DOCK2: variants seen among roughly 807,000 people sequenced by gnomAD.
The protein encoded by DOCK2 is dedicator of cytokinesis protein 2.
In DOCK2, 87 loss-of-function variants were observed where a neutral mutation model predicts 248.9. The ratio of observed to expected loss-of-function variants is 0.35; its 90% CI spans 0.29 to 0.42. The LOEUF is 0.42. DOCK2 is among the 10% of genes least tolerant of loss of function. DOCK2 has a pLI of 1.00. For missense variants in DOCK2, 1,747 were observed against 2,300.2 expected (o/e 0.76, Z 4.92); for synonymous variants, 805 against 821.6 (o/e 0.98, Z 0.35).
intron 27 of DOCK2, among the ~76,000 whole-genome samples, chr5:169,893,304 C>T (rs1312083444): frequency 1.3e-5 from 2 of 152,142 alleles, no homozygotes; most frequent in African/African-American, 4.8e-5. Context: ...AGGGGAAAGC[C>T]TTTACTACCA....
At chr5:170,036,134 C>A (rs976407961) in intron 35 of DOCK2, among the ~76,000 whole-genome samples, 2 of 152,140 alleles carry the variant, frequency 1.3e-5, no homozygotes, top group Admixed American at 1.3e-4. Flanking sequence ...CTTTCCAGTG[C>A]AAGGCCTGAG....
chr5:169,805,244 G>GA (rs1447423636), intron 26 of DOCK2, among the ~76,000 whole-genome samples: 1 of 148,932 alleles, frequency 6.7e-6, no homozygotes, highest in African/African-American at 2.5e-5. Context: ...GGAAAGAAAA[G>GA]AAAAGAAATT....
At chr5:169,716,157 T>C (rs1761903557) in intron 19 of DOCK2, 56 bp from the exon 20 acceptor site, 1 of 1,493,514 alleles carries the variant, frequency 6.7e-7, no homozygotes, top group African/African-American at 1.4e-5. Flanking sequence ...GGATTGCTGG[T>C]TCACCTGTAC....
At chr5:169,723,778 T>G (rs1174817040) in intron 22 of DOCK2, among the ~76,000 whole-genome samples, 1 of 152,222 alleles carries the variant, frequency 6.6e-6, no homozygotes, top group Non-Finnish European at 1.5e-5. Flanking sequence ...TTCCTTTTGA[T>G]GTCTTTTTCT....
intron 15 of DOCK2, 95 bp downstream of exon 15, chr5:169,708,362 TA>T: frequency 8.3e-7 from 1 of 1,202,846 alleles, no homozygotes; most frequent in Non-Finnish European, 1.2e-6. Flanking sequence ...ATGTATTGCT[TA>T]CAACAGCCGT....
chr5:169,922,543 A>G (rs900272061), intron 27 of DOCK2, among the ~76,000 whole-genome samples: 8 of 152,242 alleles, frequency 5.3e-5, no homozygotes, highest in African/African-American at 1.9e-4. Flanking sequence ...AATAATACCA[A>G]CAATGAGAAA....
At chr5:169,766,432 A>G (rs1323908966) in intron 25 of DOCK2, among the ~76,000 whole-genome samples, 1 of 152,196 alleles carries the variant, frequency 6.6e-6, no homozygotes. Context: ...GTAGTATTTC[A>G]TCATGTATAT....
intron 27 of DOCK2, among the ~76,000 whole-genome samples, chr5:169,849,874 C>A (rs929704093): frequency 2.0e-5 from 3 of 152,206 alleles, no homozygotes; most frequent in Non-Finnish European, 4.4e-5. Context: ...CTGAGTCTAG[C>A]CACAACCACC....
In DOCK2 at chr5:169,708,285, C is replaced by A. The variant is rs747389103; in HGVS notation, c.1482+18C>A. On this transcript the variant is annotated intron_variant, in intron 15 of 51. Transcript: ENST00000520908. ...CAGTCAAGGTAATAATTAATAATAGCAGCAAACACATGTCTAGTTCTTACC... is the reference window on the plus strand; with the variant it reads ...CAGTCAAGGTAATAATTAATAATAGAAGCAAACACATGTCTAGTTCTTACC... 3 of 1,605,638 alleles carry A rather than the reference C, an allele frequency of 1.9e-6. No homozygotes were observed. Among genetic ancestry groups the A allele is most frequent in the African/African-American group, 1.3e-5 (1 of 74,822 alleles).
chr5:169,942,076 C>G (rs1449794445), intron 27 of DOCK2, among the ~76,000 whole-genome samples: 1 of 152,144 alleles, frequency 6.6e-6, no homozygotes, highest in African/African-American at 2.4e-5. Flanking sequence ...AGGATGTGGG[C>G]CTGTCTCTAA....
chr5:170,063,837 C>A (rs192338395), intron 44 of DOCK2, among the ~76,000 whole-genome samples: 5 of 152,194 alleles, frequency 3.3e-5, no homozygotes, highest in Admixed American at 6.5e-5. Context: ...GCAGAGGGTG[C>A]GGCCTGAACC....
chr5:169,785,819 G>A (rs1765952099), intron 25 of DOCK2, among the ~76,000 whole-genome samples: 1 of 152,002 alleles, frequency 6.6e-6, no homozygotes, highest in African/African-American at 2.4e-5. Flanking sequence ...GGCCATTAGT[G>A]TTTTTTTGTG....
At chr5:169,820,564 T>C (rs1483145762) in intron 26 of DOCK2, among the ~76,000 whole-genome samples, 1 of 136,170 alleles carries the variant, frequency 7.3e-6, no homozygotes, top group Non-Finnish European at 1.5e-5. Context: ...GGGTCCTGAC[T>C]GTTAAAAGGA....
chr5:169,761,323 G>A (rs571538277), intron 24 of DOCK2, 196 bp from the exon 25 acceptor site: 196 of 540,874 alleles, frequency 3.6e-4, no homozygotes, highest in African/African-American at 2.9e-3. Context: ...AGATTTTTAC[G>A]TCTCTTTTAA....
Position 170,042,144 on chromosome 5 carries a change from C to G in DOCK2, c.3876+12C>G, listed in dbSNP as rs757480225. 4 of 1,603,086 alleles carry G rather than the reference C, an allele frequency of 2.5e-6. No homozygotes were observed. The African/African-American group carries it at 5.4e-5, about 21-fold the overall frequency. ...TTGACAAAGGAAAGGTAATCTGTCC[C>G]TGCCCACCCCCCGTGGGGACCCTGG... On this transcript the variant is annotated intron_variant, in intron 38 of 51. Transcript: ENST00000520908.
At chr5:169,780,305 G>A (rs1270173519) in intron 25 of DOCK2, among the ~76,000 whole-genome samples, 1 of 133,446 alleles carries the variant, frequency 7.5e-6, no homozygotes, top group African/African-American at 2.7e-5. Context: ...ATGTGTGTGT[G>A]TGTGTGTGTG....
intron 27 of DOCK2, among the ~76,000 whole-genome samples, chr5:169,911,589 C>T (rs1302793828): frequency 6.6e-6 from 1 of 152,178 alleles, no homozygotes; most frequent in Non-Finnish European, 1.5e-5. Context: ...ACATAATACC[C>T]TTCAGGCTTC....
chr5:169,782,915 A>G (rs1345597678), intron 25 of DOCK2, among the ~76,000 whole-genome samples: 1 of 152,260 alleles, frequency 6.6e-6, no homozygotes, highest in Non-Finnish European at 1.5e-5. Context: ...TGTTTAGAAC[A>G]GGTTTTCCAA....
intron 27 of DOCK2, among the ~76,000 whole-genome samples, chr5:169,905,998 C>T (rs1464007595): frequency 6.6e-6 from 1 of 152,188 alleles, no homozygotes; most frequent in African/African-American, 2.4e-5. Flanking sequence ...AACATTTTCT[C>T]TTACACAAGG....
Sources: gnomAD v4.1 joint callset for allele counts (sites outside exome capture counted in the v4.1 genomes callset) on GRCh38, gnomAD v4.1.1 for gene constraint, MANE v1.5 for transcripts, NCBI Gene and HGNC (gene_info 2026-07-23, HGNC 2026-07-21) for gene names.